Variants in TMC3 observed in about 807,000 individuals in gnomAD.
The protein encoded by TMC3 is transmembrane channel like 3.
In TMC3, 98 loss-of-function variants were observed where a neutral mutation model predicts 110.6. The ratio of observed to expected loss-of-function variants is 0.89; its 90% confidence interval spans 0.75 to 1.05. The LOEUF (loss-of-function observed/expected upper bound fraction) is 1.05. TMC3 is among the 50% of genes least tolerant of loss of function. TMC3 has a pLI of 0.00. For missense variants in TMC3, 1,319 were observed against 1,373.2 expected (o/e 0.96, Z 0.62); for synonymous variants, 489 against 513.1 (o/e 0.95, Z 0.63).
At chr15:81,346,237 A>G (rs1304071210) in intron 12 of TMC3, 128 bp downstream of exon 12, 12 of 858,408 alleles carry the variant, frequency 1.4e-5, no homozygotes, top group Middle Eastern at 3.3e-4. Context: ...AGCAAAGTCA[A>G]GTTTTGCACA....
chr15:81,338,886 C>T, intron 17 of TMC3, 106 bp from the exon 18 acceptor site: 1 of 1,223,792 alleles, frequency 8.2e-7, no homozygotes, highest in East Asian at 2.3e-5. Context: ...CATAACATTC[C>T]TCAAATGATT....
rs1893771477 is a variant in TMC3 at position 81,344,018 on chromosome 15, T to C, written c.1546A>G (p.Met516Val). The C allele has an allele frequency of 3.1e-6, 5 of 1,611,892 alleles. No individual in the cohort carries two copies. Among genetic ancestry groups the C allele is most frequent in the Non-Finnish European group, 4.2e-6 (5 of 1,179,138 alleles). ...AGAATGCTCGCCACGGTGAAGAGCA[T>C]GTCAATGATGGAGAGCTTCAGCATC... ...QEMLKLSIID[M>V]LFTVASILLI... Residue 516 changes from methionine (M) to valine (V), a missense_variant, in exon 14 of 22, where the codon ATG (methionine) becomes GTG (valine). Coordinates refer to ENST00000359440, the MANE Select transcript of TMC3 (RefSeq NM_001080532.3).
At chr15:81,367,383 T>C (rs540510961) in intron 3 of TMC3, among the ~76,000 whole-genome samples, 1 of 152,284 alleles carries the variant, frequency 6.6e-6, no homozygotes, top group South Asian at 2.1e-4. Context: ...AATTATGCAA[T>C]GACTGATGTG....
At chr15:81,370,210 G>T (rs371702598) in intron 2 of TMC3, among the ~76,000 whole-genome samples, 4 of 152,188 alleles carry the variant, frequency 2.6e-5, no homozygotes, top group African/African-American at 9.7e-5. Flanking sequence ...TCCAGACTCA[G>T]GGTTAGCTCA....
intron 4 of TMC3, 95 bp downstream of exon 4, chr15:81,362,125 A>T: frequency 1.7e-6 from 2 of 1,148,814 alleles, no homozygotes; most frequent in Non-Finnish European, 2.5e-6. Context: ...CCTCAGCTGC[A>T]CAGCATAAGG....
chr15:81,360,523 G>T (rs1894164290), intron 4 of TMC3, among the ~76,000 whole-genome samples: 1 of 152,144 alleles, frequency 6.6e-6, no homozygotes, highest in African/African-American at 2.4e-5. Context: ...CTAAGGTAAG[G>T]TTTCCTAGAA....
At chr15:81,355,178 G>T (rs1372798385) in intron 9 of TMC3, among the ~76,000 whole-genome samples, 1 of 152,140 alleles carries the variant, frequency 6.6e-6, no homozygotes, top group Non-Finnish European at 1.5e-5. Flanking sequence ...AATCATGAGG[G>T]CTAAATAACC....
At chr15:81,338,345 T>A (rs1395264160) in intron 18 of TMC3, among the ~76,000 whole-genome samples, 2 of 152,190 alleles carry the variant, frequency 1.3e-5, no homozygotes, top group Admixed American at 1.3e-4. Context: ...TAGAAAATGA[T>A]AATGGCATTC....
chr15:81,333,327 T>G, intron 21 of TMC3, 65 bp from the exon 22 acceptor site: 1 of 1,533,786 alleles, frequency 6.5e-7, no homozygotes, highest in South Asian at 1.3e-5. Context: ...ACCTGAGGAC[T>G]GTGAGCTGTG....
rs1481488194 is a variant in TMC3, at chr15:81,334,772, T to C, written c.2407A>G (p.Ser803Gly). ...QSPRPGDRAP[S>G]SPLPGVPKSR... ...TTGGGGACCCCAGGGAGAGGTGAGC[T>C]AGGAGCCCTGTCCCCTGGCCTCGGG... The change falls in exon 21 of 22, where the codon AGC (serine) becomes GGC (glycine). Residue 803 changes from serine to glycine, a missense_variant. Ser to Gly is a moderately conservative substitution (Grantham distance 56). Transcript: ENST00000359440. The C allele has an allele frequency of 1.9e-6, 3 of 1,613,892 alleles. No individual in the cohort carries two copies. The highest frequency in any genetic ancestry group is 2.5e-6 in the Non-Finnish European group (3 of 1,179,894).
intron 7 of TMC3, among the ~76,000 whole-genome samples, chr15:81,357,213 G>A (rs7167002): frequency 0.16 from 23,737 of 151,924 alleles, 3,548 homozygotes; most frequent in African/African-American, 0.4. Flanking sequence ...GTGGGTCCTG[G>A]AAGCCACCAG....
intron 12 of TMC3, among the ~76,000 whole-genome samples, chr15:81,346,154 C>A (rs1039547216): frequency 1.3e-5 from 2 of 152,208 alleles, no homozygotes; most frequent in African/African-American, 4.8e-5. Context: ...ACTTACTAGT[C>A]ATGCACTGTG....
chr15:81,358,344 A>G, intron 6 of TMC3, 53 bp from the exon 7 acceptor site: 1 of 1,601,184 alleles, frequency 6.2e-7, no homozygotes, highest in Non-Finnish European at 8.5e-7. Flanking sequence ...AGGTCTCAGA[A>G]CTGTGGCCCA....
At position 81,343,927 on chromosome 15, in the gene TMC3, TCCAGATCCCAACA is replaced by T; in HGVS notation, c.1624_1636del (p.Cys542ArgfsTer12). ...CAGCATTTTACTTACAAACTTGCTC[TCCAGATCCCAACA>T]CCAGTAGTCACTTAAGTACCGCACG... is the stretch of plus-strand genomic sequence containing the variant. On this transcript the variant is annotated frameshift_variant, in exon 14 of 22. Transcript: ENST00000359440. LOFTEE classifies it high-confidence loss of function. 6.2e-6 allele frequency: 10 copies of T among 1,612,078 alleles called. No homozygotes were observed. The highest frequency in any genetic ancestry group is 8.5e-6 in the Non-Finnish European group (10 of 1,178,758).
intron 13 of TMC3, 43 bp downstream of exon 13, chr15:81,344,723 T>C (rs1310286729): frequency 6.4e-7 from 1 of 1,567,278 alleles, no homozygotes; most frequent in Admixed American, 1.7e-5. Context: ...GGTTAAGTGA[T>C]GAGATGGATA....
At position 81,356,508 on chromosome 15, in the gene TMC3, T is replaced by C; in HGVS notation, c.830A>G (p.Tyr277Cys). ...TGCAGCCTCTGGGTTTCCAATGAGG[T>C]AATCCCAGGCACAGAACACCCGCCA... is the stretch of plus-strand genomic sequence containing the variant. ...FCWRVFCAWDYLIGNPEAAES... is the reference protein window; with the variant it reads ...FCWRVFCAWDCLIGNPEAAES... Residue 277 changes from tyrosine (Y) to cysteine (C), a missense_variant, in exon 8 of 22, where the codon TAC (tyrosine) becomes TGC (cysteine). Physicochemically the swap from Tyr to Cys is radical, Grantham distance 194. Coordinates refer to ENST00000359440, the MANE Select transcript of TMC3 (RefSeq NM_001080532.3). 6.4e-7 allele frequency: 1 copy of C among 1,570,840 alleles called. No homozygotes were observed. The highest frequency in any genetic ancestry group is 8.6e-7 in the Non-Finnish European group (1 of 1,157,332).
At position 81,374,127 on chromosome 15, in the gene TMC3, G is replaced by T; in HGVS notation, c.-50C>A. On this transcript the variant is annotated 5_prime_UTR_variant, in exon 1 of 22. Coordinates refer to ENST00000359440, the MANE Select transcript of TMC3 (RefSeq NM_001080532.3). ...CAGAAGCTGGCCAGAGAGCTAGGAA[G>T]TTGGCAGGCAAAGGTCTGTTCCGAG... 1.3e-6 allele frequency: 2 copies of T among 1,555,770 alleles called. No homozygotes were observed. Among genetic ancestry groups the T allele is most frequent in the South Asian group, 1.1e-5 (1 of 88,066 alleles).
At position 81,333,073 on chromosome 15, in the gene TMC3, G is replaced by A. The variant is rs773031062; in HGVS notation, c.2649C>T (p.His883=). 40 of 1,613,932 alleles carry A rather than the reference G, an allele frequency of 2.5e-5. No individual in the cohort carries two copies. The highest frequency in any genetic ancestry group is 2.3e-4 in the South Asian group (21 of 91,090). Residue 883 remains histidine, a synonymous_variant, in exon 22 of 22, where the codon CAC becomes CAT. Transcript: ENST00000359440. ...CATTAATGACATAGTATCTGGGGGC[G>A]TGGGGCCTGGGACCCTGTGCCAGCA... ...STLLAQGPRP[H]APRYYVINEC... is the part of the protein sequence containing the mutation.
Position 81,344,793 on chromosome 15 carries a change from G to A in TMC3, c.1491C>T (p.Asp497=), listed in dbSNP as rs753214688. 6 of 1,613,826 alleles carry A rather than the reference G, an allele frequency of 3.7e-6. No homozygotes were observed. The highest frequency in any genetic ancestry group is 1.7e-5 in the Admixed American group (1 of 60,008). Residue 497 remains aspartate (D), a synonymous_variant, in exon 13 of 22, where the codon GAC becomes GAT. Coordinates refer to ENST00000359440, the MANE Select transcript of TMC3 (RefSeq NM_001080532.3). ...KTSLHTQSPQ[D]QCWETYVGQE... Reference sequence around the variant, plus strand: ...GACCAACGTATGTCTCCCAGCACTGGTCTTGTGGACTCTGAGTGTGGAGGC... The same window carrying A: ...GACCAACGTATGTCTCCCAGCACTGATCTTGTGGACTCTGAGTGTGGAGGC...
Sources: allele counts gnomAD v4.1 joint callset (sites outside exome capture counted in the v4.1 genomes callset), GRCh38; gene constraint gnomAD v4.1.1; transcripts MANE v1.5; gene names NCBI Gene and HGNC (gene_info 2026-07-23, HGNC 2026-07-21).